The following RFTN2 variants were observed in gnomAD, a reference collection of about 807,000 sequenced individuals.
RFTN2 encodes raftlin family member 2.
RFTN2 carries 34 observed loss-of-function variants against 52.7 expected under a neutral mutation model. The ratio of observed to expected loss-of-function variants is 0.64; its 90% CI spans 0.49 to 0.86. RFTN2 has a LOEUF of 0.86. RFTN2 is among the 40% of genes least tolerant of loss of function. RFTN2 has a pLI of 0.00. For missense variants in RFTN2, 536 were observed against 600.1 expected, an observed-to-expected ratio of 0.89 and a Z score of 1.12; for synonymous variants, 203 against 217.7, an observed-to-expected ratio of 0.93 and a Z score of 0.59.
intron 4 of RFTN2, 128 bp from the exon 5 acceptor site, chr2:197,631,348 A>G: frequency 5.5e-6 from 4 of 732,410 alleles, no homozygotes; most frequent in Non-Finnish European, 9.6e-6. Flanking sequence ...AATGTCAATA[A>G]TATGCTATAT....
At chr2:197,637,372 G>T (rs2088585827) in intron 3 of RFTN2, among the ~76,000 whole-genome samples, 2 of 152,056 alleles carry the variant, frequency 1.3e-5, no homozygotes, top group African/African-American at 4.8e-5. Flanking sequence ...TCTGGTCCTG[G>T]ACTCTTTTTG....
intron 8 of RFTN2, among the ~76,000 whole-genome samples, chr2:197,590,658 T>A (rs938350455): frequency 6.6e-6 from 1 of 152,054 alleles, no homozygotes; most frequent in Non-Finnish European, 1.5e-5. Flanking sequence ...CTCCTTCTGG[T>A]GTTTGGATGT....
chr2:197,592,490 T>G (rs1427254947), intron 8 of RFTN2, among the ~76,000 whole-genome samples: 2 of 152,260 alleles, frequency 1.3e-5, no homozygotes, highest in African/African-American at 4.8e-5. Flanking sequence ...CCACTGTGCC[T>G]GGCTGAAGAA....
intron 7 of RFTN2, among the ~76,000 whole-genome samples, chr2:197,596,964 T>C (rs1478795977): frequency 6.6e-6 from 1 of 152,226 alleles, no homozygotes; most frequent in African/African-American, 2.4e-5. Context: ...CATGGATTTA[T>C]GGGGAGGAGT....
Position 197,643,787 on chromosome 2 carries a change from G to GT in RFTN2, c.438+370dup, listed in dbSNP as rs565092137. On this transcript the variant is annotated intron_variant, in intron 3 of 8. Coordinates refer to ENST00000295049, the MANE Select transcript of RFTN2 (RefSeq NM_144629.3). ...TATATTTACTCTTCCATTTTCTTTT[G>GT]TTTTTTTATATTAAAAAATTACCTC... 2.0e-3 allele frequency among the ~76,000 whole-genome samples: 296 copies of GT among 151,488 alleles called. 2 individuals carry two copies. The highest frequency in any genetic ancestry group is 6.1e-3 in the African/African-American group (253 of 41,232).
At chr2:197,625,076 C>T (rs2088332404) in intron 5 of RFTN2, among the ~76,000 whole-genome samples, 1 of 152,198 alleles carries the variant, frequency 6.6e-6, no homozygotes, top group Non-Finnish European at 1.5e-5. Context: ...TCTCAAACTC[C>T]AGGCCCCCAG....
At chr2:197,581,274 TC>T (rs1292885435) in intron 8 of RFTN2, among the ~76,000 whole-genome samples, 1 of 152,228 alleles carries the variant, frequency 6.6e-6, no homozygotes, top group Non-Finnish European at 1.5e-5. Flanking sequence ...GTTTTGCCTA[TC>T]CATCTTGTGG....
In RFTN2 at chr2:197,675,493, G is replaced by C; in HGVS notation, c.-35C>G. ...TGTAAGGAATTAAATTGCAGGAAAG[G>C]GGAGGGAGAGCAGCAAATTCTGTTG... On this transcript the variant is annotated 5_prime_UTR_variant, in exon 1 of 9. Transcript: ENST00000295049. 6.9e-7 allele frequency: 1 copy of C among 1,450,368 alleles called. No individual in the cohort carries two copies. Among genetic ancestry groups the C allele is most frequent in the Admixed American group, 2.4e-5 (1 of 42,440 alleles). The allele number at this position is 1,450,368 out of a possible 1,614,324, so 89.8% of individuals were successfully genotyped here.
chr2:197,588,217 T>C (rs1036451247), intron 8 of RFTN2, among the ~76,000 whole-genome samples: 1 of 152,220 alleles, frequency 6.6e-6, no homozygotes, highest in Non-Finnish European at 1.5e-5. Context: ...TTTTTTTCTC[T>C]CTCTACATAT....
At chr2:197,659,456 A>G (rs912997408) in intron 1 of RFTN2, among the ~76,000 whole-genome samples, 20 of 150,006 alleles carry the variant, frequency 1.3e-4, no homozygotes, top group Admixed American at 6.0e-4. Context: ...CAGCCTGGCA[A>G]CAGAGCAAGA....
At chr2:197,633,240 T>C (rs1185787903) in intron 4 of RFTN2, among the ~76,000 whole-genome samples, 3 of 152,232 alleles carry the variant, frequency 2.0e-5, no homozygotes, top group Admixed American at 1.3e-4. Context: ...ATATTAATTG[T>C]TTCATTATGA....
intron 1 of RFTN2, among the ~76,000 whole-genome samples, chr2:197,663,864 T>C (rs1233902381): frequency 6.6e-6 from 1 of 152,156 alleles, no homozygotes; most frequent in Non-Finnish European, 1.5e-5. Context: ...GTTTTGCTTT[T>C]CTAGTTCTTT....
chr2:197,586,269 C>T (rs2087595987), intron 8 of RFTN2, among the ~76,000 whole-genome samples: 1 of 152,160 alleles, frequency 6.6e-6, no homozygotes, highest in Non-Finnish European at 1.5e-5. Context: ...TGTAGATACT[C>T]ATCGTTTTCT....
chr2:197,609,670 T>A (rs1159347524), intron 7 of RFTN2, among the ~76,000 whole-genome samples: 1 of 151,710 alleles, frequency 6.6e-6, no homozygotes, highest in Non-Finnish European at 1.5e-5. Context: ...GCTTTTGGTG[T>A]TTTAGTCATG....
chr2:197,642,993 A>G (rs1278992482), intron 3 of RFTN2, among the ~76,000 whole-genome samples: 1 of 152,198 alleles, frequency 6.6e-6, no homozygotes, highest in East Asian at 1.9e-4. Flanking sequence ...ACAAAATGGG[A>G]TTTATGATTC....
At chr2:197,605,364 C>T (rs184296369) in intron 7 of RFTN2, among the ~76,000 whole-genome samples, 4 of 151,706 alleles carry the variant, frequency 2.6e-5, no homozygotes, top group Admixed American at 1.3e-4. Context: ...TACAGGCGCC[C>T]GCCACCACGC....
intron 1 of RFTN2, among the ~76,000 whole-genome samples, chr2:197,665,392 A>G (rs751761095): frequency 1.6e-4 from 25 of 151,994 alleles, no homozygotes; most frequent in African/African-American, 5.8e-4. Flanking sequence ...ATTGAAGTCT[A>G]TCTCTCTCTT....
At chr2:197,591,842 G>C (rs1008625412) in intron 8 of RFTN2, among the ~76,000 whole-genome samples, 2 of 152,004 alleles carry the variant, frequency 1.3e-5, no homozygotes, top group Non-Finnish European at 2.9e-5. Context: ...TCTGAGTGTG[G>C]GCCCACCGAG....
Position 197,616,883 on chromosome 2 carries a change from G to A in RFTN2, c.1051-904C>T, listed in dbSNP as rs571097699. Among the ~76,000 whole-genome samples, 8 of 152,262 alleles carry A rather than the reference G, an allele frequency of 5.3e-5. No homozygotes were observed. In the South Asian group the frequency reaches 1.7e-3, roughly 32 times the overall value. ...GGCTATGTCTCTTTAACCTGTGTAA[G>A]GTCAGAAAGGTAAAAGTATCCCTGA... On this transcript the variant is annotated intron_variant, in intron 6 of 8. Coordinates refer to ENST00000295049, the MANE Select transcript of RFTN2 (RefSeq NM_144629.3).
Sources: allele counts gnomAD v4.1 joint callset (sites outside exome capture counted in the v4.1 genomes callset), GRCh38; gene constraint gnomAD v4.1.1; transcripts MANE v1.5; gene names NCBI Gene and HGNC (gene_info 2026-07-23, HGNC 2026-07-21).